Variants in VPS35L observed in about 807,000 individuals in gnomAD.
VPS35L encodes VPS35 endosomal protein-sorting factor-like.
Under a neutral mutation model 133.0 loss-of-function variants are expected in VPS35L, and 83 were observed. The observed-to-expected ratio is 0.62, with a 90% confidence interval of 0.52 to 0.75. The LOEUF (loss-of-function observed/expected upper bound fraction) is 0.75, where lower values mean the gene tolerates loss of function less well. VPS35L is among the 30% of genes least tolerant of loss of function. The probability of loss-of-function intolerance (pLI) is 0.00; values close to 1 mark genes in which losing one functional copy is unlikely to be tolerated. For missense variants in VPS35L, 1,083 were observed against 1,206.8 expected (o/e 0.90, Z 1.52); for synonymous variants, 423 against 449.9 (o/e 0.94, Z 0.76).
rs1242561999 is a variant in VPS35L, at chr16:19,627,734, G to A, written c.1312G>A (p.Glu438Lys). The A allele has an allele frequency of 1.2e-6, 2 of 1,614,158 alleles. No homozygotes were observed. Among genetic ancestry groups the A allele is most frequent in the Non-Finnish European group, 1.7e-6 (2 of 1,180,012 alleles). ...TTCTGTGATGTCTGCCTTCCGGGCTGAGTTCATCGCCACAAGGTCTATGGA... is the reference window on the plus strand; with the variant it reads ...TTCTGTGATGTCTGCCTTCCGGGCTAAGTTCATCGCCACAAGGTCTATGGA... ...LNSVMSAFRAEFIATRSMDFI... is the reference protein window; with the variant it reads ...LNSVMSAFRAKFIATRSMDFI... The change falls in exon 16 of 31, where the codon GAG (glutamate) becomes AAG (lysine). Residue 438 changes from glutamate to lysine, a missense_variant. Coordinates refer to ENST00000417362, the MANE Select transcript of VPS35L (RefSeq NM_020314.7).
rs1976102185 is a variant in VPS35L, at chr16:19,700,720, C to T, written c.*244C>T. ...CTCTGTGTTGTCTTTGCACAAGTGGCCTTCGGTCTACTCAGCCCGATCTGA... is the reference window on the plus strand; with the variant it reads ...CTCTGTGTTGTCTTTGCACAAGTGGTCTTCGGTCTACTCAGCCCGATCTGA... On this transcript the variant is annotated 3_prime_UTR_variant, in exon 31 of 31. Coordinates refer to ENST00000417362, the MANE Select transcript of VPS35L (RefSeq NM_020314.7). The T allele has an allele frequency of 2.1e-6, 1 of 469,484 alleles. No homozygotes were observed. Among genetic ancestry groups the T allele is most frequent in the South Asian group, 4.1e-5 (1 of 24,152 alleles). The allele number at this position is 469,484 out of a possible 1,614,324, so 29.1% of individuals were successfully genotyped here.
At chr16:19,560,395 T>C (rs1970990449) in intron 1 of VPS35L, among the ~76,000 whole-genome samples, 1 of 152,254 alleles carries the variant, frequency 6.6e-6, no homozygotes, top group African/African-American at 2.4e-5. Flanking sequence ...GTAATTCCAA[T>C]AGGGACAGAA....
intron 21 of VPS35L, among the ~76,000 whole-genome samples, chr16:19,640,718 A>G (rs1001344752): frequency 7.9e-5 from 12 of 152,236 alleles, no homozygotes; most frequent in African/African-American, 2.9e-4. Context: ...TACATGAAAT[A>G]ATTTTAAGGT....
chr16:19,642,277 G>A, intron 21 of VPS35L, 119 bp from the exon 22 acceptor site: 1 of 783,122 alleles, frequency 1.3e-6, no homozygotes, highest in Non-Finnish European at 2.0e-6. Context: ...TGGGCTGGGT[G>A]AAATGCCAGC....
intron 14 of VPS35L, among the ~76,000 whole-genome samples, chr16:19,619,788 T>TA (rs555245133): frequency 1.7e-4 from 26 of 151,888 alleles, no homozygotes; most frequent in South Asian, 4.2e-4. Context: ...AGTGTCTTGT[T>TA]AAAAAAAATA....
Position 19,652,011 on chromosome 16 carries a change from C to A in VPS35L, c.2142C>A (p.Ser714=). Residue 714 remains serine (S), a synonymous_variant, in exon 26 of 31, where the codon TCC becomes TCA. Transcript: ENST00000417362. ...CCTACTGCTTCATCACCATCCCCTC[C>A]CTGGCGGGCATCTTCACACGTCTCA... The part of the protein sequence containing the change: ...CVAYCFITIP[S]LAGIFTRLNL... 6.2e-7 allele frequency: 1 copy of A among 1,613,586 alleles called. No individual in the cohort carries two copies. The highest frequency in any genetic ancestry group is 8.5e-7 in the Non-Finnish European group (1 of 1,179,730).
intron 12 of VPS35L, among the ~76,000 whole-genome samples, chr16:19,614,323 C>A (rs745735086): frequency 3.3e-5 from 5 of 152,142 alleles, no homozygotes; most frequent in Non-Finnish European, 7.4e-5. Context: ...AATTTAACAC[C>A]CTGGTGGTTC....
chr16:19,631,190 T>C (rs1973445369), intron 18 of VPS35L, among the ~76,000 whole-genome samples: 1 of 152,124 alleles, frequency 6.6e-6, no homozygotes, highest in South Asian at 2.1e-4. Context: ...TTTACAAGCT[T>C]CCTGGTTTAT....
At chr16:19,637,268 G>A (rs915366664) in intron 19 of VPS35L, among the ~76,000 whole-genome samples, 3 of 152,258 alleles carry the variant, frequency 2.0e-5, no homozygotes, top group Middle Eastern at 3.4e-3. Context: ...GACCTTCCAC[G>A]AACCATTCCA....
intron 29 of VPS35L, among the ~76,000 whole-genome samples, chr16:19,693,478 T>TA (rs149874062): frequency 0.024 from 3,556 of 149,814 alleles, 132 homozygotes; most frequent in African/African-American, 0.082. Flanking sequence ...CTGTCTCTAT[T>TA]AAAAAAAAAA....
At chr16:19,683,547 C>T (rs1051179788) in intron 28 of VPS35L, among the ~76,000 whole-genome samples, 22 of 152,124 alleles carry the variant, frequency 1.4e-4, no homozygotes, top group African/African-American at 4.8e-4. Context: ...GAGAACATGG[C>T]GGTAGTTAGT....
At position 19,616,164 on chromosome 16, in the gene VPS35L, T is replaced by A; in HGVS notation, c.1074T>A (p.Phe358Leu). 2 of 1,613,410 alleles carry A rather than the reference T, an allele frequency of 1.2e-6. No individual in the cohort carries two copies. Among genetic ancestry groups the A allele is most frequent in the Non-Finnish European group, 1.7e-6 (2 of 1,179,476 alleles). The change falls in exon 13 of 31, where the codon TTT becomes TTA. Residue 358 changes from phenylalanine to leucine, a missense_variant. By Grantham distance (22) the Phe-to-Leu change is conservative. Transcript: ENST00000417362. The part of the protein sequence containing the change: ...PHLKETLNKN[F>L]FDFLLTFKQI... Reference sequence around the variant, plus strand: ...TCAAAGAAACCCTAAATAAGAACTTTTTTGACTTCCTCCTTACGTTCAAAC... The same window carrying A: ...TCAAAGAAACCCTAAATAAGAACTTATTTGACTTCCTCCTTACGTTCAAAC...
chr16:19,682,207 T>C lies in VPS35L; in HGVS notation c.2362-18T>C, dbSNP rs1260901144. The C allele has an allele frequency of 6.2e-7, 1 of 1,606,866 alleles. No homozygotes were observed. Among genetic ancestry groups the C allele is most frequent in the African/African-American group, 1.3e-5 (1 of 74,656 alleles). Reference sequence around the variant, plus strand: ...TTCATCTTTGGGATTATTTATCCTTTTTTCGGTTCTCTGCTAGGATCATCC... The same window carrying C: ...TTCATCTTTGGGATTATTTATCCTTCTTTCGGTTCTCTGCTAGGATCATCC... On this transcript the variant is annotated intron_variant, in intron 27 of 30. Transcript: ENST00000417362.
intron 25 of VPS35L, among the ~76,000 whole-genome samples, chr16:19,651,745 G>T (rs567397468): frequency 6.6e-6 from 1 of 152,040 alleles, no homozygotes; most frequent in Admixed American, 6.5e-5. Context: ...TTTACTTCCC[G>T]TGATGGTGGG....
Position 19,682,358 on chromosome 16 carries a change from G to A in VPS35L, c.2495G>A (p.Ser832Asn), listed in dbSNP as rs773161859. 1 of 1,614,196 alleles carries A rather than the reference G, an allele frequency of 6.2e-7. No homozygotes were observed. Among genetic ancestry groups the A allele is most frequent in the Admixed American group, 1.7e-5 (1 of 60,022 alleles). The change falls in exon 28 of 31, where the codon AGC becomes AAC. Residue 832 changes from serine to asparagine, a missense_variant. By Grantham distance (46) the Ser-to-Asn change is conservative. Transcript: ENST00000417362. ...TCVLHLLSAM[S>N]QETYLYHIDK... is the part of the protein sequence containing the mutation. ...GTCCTGCATCTCCTCTCCGCCATGAGCCAGGAGACGTACCTTTACCACATA... is the reference window on the plus strand; with the variant it reads ...GTCCTGCATCTCCTCTCCGCCATGAACCAGGAGACGTACCTTTACCACATA...
rs569483190 is a variant in VPS35L, at chr16:19,556,633, C to A, written c.17+887C>A. ...TTTCTCTTCAAATGATGTGAAGTAGCTTAGATTAAATGAGCAAATGAAAGA... is the reference window on the plus strand; with the variant it reads ...TTTCTCTTCAAATGATGTGAAGTAGATTAGATTAAATGAGCAAATGAAAGA... On this transcript the variant is annotated intron_variant, in intron 1 of 30. Coordinates refer to ENST00000417362, the MANE Select transcript of VPS35L (RefSeq NM_020314.7). Among the ~76,000 whole-genome samples the A allele has an allele frequency of 9.2e-5, 14 of 152,300 alleles. No individual in the cohort carries two copies. The South Asian group carries it at 2.5e-3, about 27-fold the overall frequency.
intron 30 of VPS35L, 27 bp from the exon 31 acceptor site, chr16:19,700,351 G>C (rs1053401487): frequency 5.1e-6 from 8 of 1,577,494 alleles, no homozygotes; most frequent in Non-Finnish European, 7.0e-6. Flanking sequence ...AACCAGAAAG[G>C]AGATGGATCT....
intron 27 of VPS35L, among the ~76,000 whole-genome samples, chr16:19,671,659 C>T (rs899587772): frequency 3.3e-5 from 5 of 151,984 alleles, no homozygotes; most frequent in Non-Finnish European, 7.4e-5. Context: ...CACCTGTAAT[C>T]TCAGCTACCA....
At chr16:19,625,841 T>G (rs1375956419) in intron 14 of VPS35L, among the ~76,000 whole-genome samples, 2 of 152,138 alleles carry the variant, frequency 1.3e-5, no homozygotes, top group Admixed American at 1.3e-4. Flanking sequence ...ACCTGGCTAA[T>G]TTTTGTATTT....
Sources: gnomAD v4.1 joint callset for allele counts (sites outside exome capture counted in the v4.1 genomes callset) on GRCh38, gnomAD v4.1.1 for gene constraint, MANE v1.5 for transcripts, NCBI Gene and HGNC (gene_info 2026-07-23, HGNC 2026-07-21) for gene names.